Variants in CDKL4 observed in about 807,000 individuals in gnomAD.
CDKL4 encodes the protein cyclin-dependent kinase-like 4.
In CDKL4, 44 loss-of-function variants were observed where a neutral mutation model predicts 42.0. The ratio of observed to expected loss-of-function variants is 1.05; its 90% CI spans 0.82 to 1.35. CDKL4 has a LOEUF of 1.35. CDKL4 is among the 40% of genes most tolerant of loss of function. The probability of loss-of-function intolerance (pLI) is 0.00; values close to 1 mark genes in which losing one functional copy is unlikely to be tolerated. For synonymous variants in CDKL4, 120 were observed against 121.6 expected, an observed-to-expected ratio of 0.99 and a Z score of 0.09; for missense variants, 393 against 369.9, an observed-to-expected ratio of 1.06 and a Z score of -0.51.
At chr2:39,225,510 T>C (rs890962052) in intron 3 of CDKL4, among the ~76,000 whole-genome samples, 7 of 152,222 alleles carry the variant, frequency 4.6e-5, no homozygotes, top group East Asian at 1.9e-4. Context: ...TTATCAATCG[T>C]ACATTTTTTT....
chr2:39,217,820 G>T (rs543901258), intron 3 of CDKL4, among the ~76,000 whole-genome samples: 6 of 151,964 alleles, frequency 3.9e-5, no homozygotes, highest in Non-Finnish European at 5.9e-5. Context: ...CGCAACCTCC[G>T]CCTCCTGGGT....
intron 1 of CDKL4, among the ~76,000 whole-genome samples, chr2:39,235,234 T>A (rs1679307014): frequency 6.6e-6 from 1 of 152,182 alleles, no homozygotes; most frequent in Non-Finnish European, 1.5e-5. Context: ...TCCTCTTGAA[T>A]GTATTGGTGA....
chr2:39,234,772 C>T (rs1206730385), intron 1 of CDKL4, among the ~76,000 whole-genome samples: 2 of 152,048 alleles, frequency 1.3e-5, no homozygotes, highest in Non-Finnish European at 2.9e-5. Flanking sequence ...GAGCAATATA[C>T]ATTACAAAGT....
intron 1 of CDKL4, among the ~76,000 whole-genome samples, chr2:39,232,651 C>G (rs1573027510): frequency 1.3e-5 from 2 of 152,280 alleles, no homozygotes; most frequent in Middle Eastern, 6.8e-3. Context: ...CCTCATACAT[C>G]TTCCACAAAG....
chr2:39,198,914 A>T (rs897472440), intron 5 of CDKL4, among the ~76,000 whole-genome samples: 4 of 152,176 alleles, frequency 2.6e-5, no homozygotes, highest in Non-Finnish European at 4.4e-5. Context: ...ATCTAAGGTC[A>T]CATTTCAAGG....
intron 8 of CDKL4, among the ~76,000 whole-genome samples, chr2:39,182,135 C>A (rs1675476298): frequency 6.6e-6 from 1 of 152,224 alleles, no homozygotes; most frequent in Non-Finnish European, 1.5e-5. Context: ...GCAAATGCCA[C>A]CATGCCTGAA....
intron 5 of CDKL4, among the ~76,000 whole-genome samples, chr2:39,202,172 C>T (rs998353965): frequency 6.6e-6 from 1 of 151,932 alleles, no homozygotes; most frequent in Admixed American, 6.6e-5. Context: ...GTGGAGTTTG[C>T]GGTGAGCCGA....
chr2:39,244,653 G>T (rs1006354511), upstream of CDKL4, among the ~76,000 whole-genome samples: 1 of 152,250 alleles, frequency 6.6e-6, no homozygotes, highest in African/African-American at 2.4e-5. Context: ...AAGGGCTGAG[G>T]AGTGCGAGCG....
downstream of CDKL4, among the ~76,000 whole-genome samples, chr2:39,173,829 A>C (rs759397514): frequency 0.012 from 1,845 of 150,364 alleles, 13 homozygotes; most frequent in Non-Finnish European, 0.019. Context: ...AAAAAAAAAA[A>C]AAAATTAGCT....
intron 3 of CDKL4, among the ~76,000 whole-genome samples, chr2:39,220,072 A>G (rs746506157): frequency 3.9e-5 from 6 of 152,196 alleles, no homozygotes; most frequent in Non-Finnish European, 7.3e-5. Context: ...AGGGTGCTCA[A>G]TGACAACAAA....
exon 2 of CDKL4, chr2:39,229,400 TAAC>T: frequency 1.2e-6 from 2 of 1,607,546 alleles, no homozygotes; most frequent in Non-Finnish European, 1.7e-6. Context: ...GCTATTTTCT[TAAC>T]AACAGGATCA....
At chr2:39,206,555 G>A (rs184663575) in intron 4 of CDKL4, among the ~76,000 whole-genome samples, 5 of 152,300 alleles carry the variant, frequency 3.3e-5, no homozygotes, top group Non-Finnish European at 1.5e-5. Flanking sequence ...TCCATGTTGC[G>A]GAGGTGCTGT....
At chr2:39,220,619 G>C (rs534472604) in intron 3 of CDKL4, among the ~76,000 whole-genome samples, 1 of 151,352 alleles carries the variant, frequency 6.6e-6, no homozygotes, top group Non-Finnish European at 1.5e-5. Flanking sequence ...ATGGAGTTTC[G>C]CTCTGTCGCC....
chr2:39,183,231 G>C (rs1675542914), intron 8 of CDKL4, among the ~76,000 whole-genome samples: 1 of 151,108 alleles, frequency 6.6e-6, no homozygotes, highest in Non-Finnish European at 1.5e-5. Flanking sequence ...AGTGAGCGGA[G>C]AACTCCAGCC....
intron 5 of CDKL4, among the ~76,000 whole-genome samples, chr2:39,192,530 T>G (rs1676248767): frequency 1.9e-5 from 1 of 52,350 alleles, no homozygotes; most frequent in African/African-American, 3.4e-5. Context: ...CTGGTTAATT[T>G]AAAAAAAAAT....
chr2:39,210,019 G>T (rs1446682304), intron 4 of CDKL4, among the ~76,000 whole-genome samples: 1 of 152,116 alleles, frequency 6.6e-6, no homozygotes, highest in East Asian at 1.9e-4. Context: ...ACAGACTCTT[G>T]CTCTGTCGCC....
chr2:39,169,554 A>G, the CDKL4 span, among the ~76,000 whole-genome samples: 1 of 152,206 alleles, frequency 6.6e-6, no homozygotes, highest in East Asian at 1.9e-4. Context: ...TATGACCAGG[A>G]TACAAACACT....
chr2:39,181,781 C>T (rs1386173855), intron 8 of CDKL4, among the ~76,000 whole-genome samples: 1 of 152,074 alleles, frequency 6.6e-6, no homozygotes, highest in Admixed American at 6.6e-5. Flanking sequence ...TGAAAGAATG[C>T]CTGGGGCTAC....
Position 39,187,542 on chromosome 2 carries a change from C to A in CDKL4, c.735+85G>T, listed in dbSNP as rs1055494057. ...CCTTGGTGACAGAGTGAGACATCAT[C>A]TCAAAATAAATAAATAAATAACAAC... On this transcript the variant is annotated intron_variant, in intron 7 of 9. Coordinates refer to ENST00000451199, the Ensembl canonical transcript of CDKL4. The A allele has an allele frequency of 1.0e-5, 10 of 996,092 alleles. No individual in the cohort carries two copies. In the East Asian group the frequency reaches 2.4e-4, roughly 24 times the overall value. The allele number at this position is 996,092 out of a possible 1,614,324, so 61.7% of individuals were successfully genotyped here.
Sources: allele counts gnomAD v4.1 joint callset (sites outside exome capture counted in the v4.1 genomes callset), GRCh38; gene constraint gnomAD v4.1.1; transcripts MANE v1.5; gene names NCBI Gene and HGNC (gene_info 2026-07-23, HGNC 2026-07-21).